The following FMN1 variants were observed in gnomAD, a reference collection of about 807,000 sequenced individuals.
FMN1 encodes formin-1.
FMN1 carries 110 observed loss-of-function variants against 132.4 expected under a neutral mutation model. The observed-to-expected ratio is 0.83, with a 90% CI of 0.71 to 0.97. The LOEUF (loss-of-function observed/expected upper bound fraction) is 0.97, where lower values mean the gene tolerates loss of function less well. Among genes scored for constraint, FMN1 ranks in the 50% least tolerant of loss-of-function variants. The pLI, the probability that FMN1 is intolerant of heterozygous loss-of-function variation, is 0.00. For synonymous variants in FMN1, 722 were observed against 651.7 expected, an observed-to-expected ratio of 1.11 and a Z score of -1.64; for missense variants, 1,792 against 1,705.3, an observed-to-expected ratio of 1.05 and a Z score of -0.90.
Position 32,969,214 on chromosome 15 carries a change from T to A in FMN1, c.2487A>T (p.Val829=). The part of the protein sequence containing the change: ...ESKTTRSNQL[V]PKKLNISSLS... ...AAGAGGAGATATTCAGCTTTTTGGG[T>A]ACTAATTGATTACTTCTGGTTGTCT... Residue 829 remains valine (V), a synonymous_variant, in exon 8 of 21, where the codon GTA becomes GTT. Coordinates refer to ENST00000616417, the MANE Select transcript of FMN1 (RefSeq NM_001277313.2). 6.2e-7 allele frequency: 1 copy of A among 1,613,862 alleles called. No individual in the cohort carries two copies. The highest frequency in any genetic ancestry group is 8.5e-7 in the Non-Finnish European group (1 of 1,179,864).
chr15:32,829,763 G>A (rs1320170850), intron 17 of FMN1, among the ~76,000 whole-genome samples: 1 of 152,196 alleles, frequency 6.6e-6, no homozygotes, highest in South Asian at 2.1e-4. Flanking sequence ...AGATTCGTGA[G>A]TGAGGAAAAT....
chr15:33,110,721 CTT>C (rs761506232), intron 4 of FMN1, among the ~76,000 whole-genome samples: 12 of 151,510 alleles, frequency 7.9e-5, no homozygotes, highest in Non-Finnish European at 1.2e-4. Flanking sequence ...GACTAACAGT[CTT>C]TTATTTAAAA....
At chr15:32,820,092 C>A (rs1294743011) in intron 17 of FMN1, among the ~76,000 whole-genome samples, 1 of 152,074 alleles carries the variant, frequency 6.6e-6, no homozygotes, top group Non-Finnish European at 1.5e-5. Flanking sequence ...GACTTCCAAC[C>A]AAAATCCATC....
At chr15:33,124,375 G>A (rs1172045360) in intron 4 of FMN1, among the ~76,000 whole-genome samples, 2 of 152,106 alleles carry the variant, frequency 1.3e-5, no homozygotes, top group African/African-American at 2.4e-5. Flanking sequence ...TCAATGAGTA[G>A]GACCCTCTGT....
intron 17 of FMN1, among the ~76,000 whole-genome samples, chr15:32,846,445 C>T (rs1475457388): frequency 1.3e-5 from 2 of 151,906 alleles, no homozygotes; most frequent in African/African-American, 2.4e-5. Context: ...ATTTATGCGG[C>T]CAACAAACAT....
intron 6 of FMN1, chr15:33,063,300 T>G (rs1262651573): frequency 6.6e-6 from 1 of 152,360 alleles, no homozygotes; most frequent in African/African-American, 2.4e-5. Flanking sequence ...GTGCCCTCAG[T>G]TCCCAGCCTG....
rs146037019 is a variant in FMN1, at chr15:32,965,090, A to G, written c.2988-833T>C. Among the ~76,000 whole-genome samples, 396 of 152,226 alleles carry G rather than the reference A, an allele frequency of 2.6e-3. 6 individuals carry two copies. Among genetic ancestry groups the G allele is most frequent in the Non-Finnish European group, 1.6e-3 (106 of 68,004 alleles). On this transcript the variant is annotated intron_variant, in intron 8 of 20. Transcript: ENST00000616417. ...TCCCAAATGTTTACTTTCTTATCTT[A>G]ATTTCAAACACTATTAATGTTTACT...
intron 6 of FMN1, among the ~76,000 whole-genome samples, chr15:33,020,611 C>T (rs1302027443): frequency 6.7e-6 from 1 of 148,606 alleles, no homozygotes; most frequent in Non-Finnish European, 1.5e-5. Flanking sequence ...GCACTCCAGC[C>T]TGGGAGACAA....
chr15:33,059,680 TTAA>T (rs559231088), intron 6 of FMN1, among the ~76,000 whole-genome samples: 5 of 152,218 alleles, frequency 3.3e-5, no homozygotes, highest in Admixed American at 2.6e-4. Context: ...CAACAGAGTA[TTAA>T]TAAGTTATGT....
intron 6 of FMN1, among the ~76,000 whole-genome samples, chr15:33,032,838 C>T (rs905338262): frequency 1.4e-4 from 21 of 151,430 alleles, no homozygotes; most frequent in Admixed American, 5.9e-4. Context: ...AGCAGTGGGA[C>T]CTGGGGGGGT....
intron 4 of FMN1, among the ~76,000 whole-genome samples, chr15:33,118,108 C>G (rs2039997554): frequency 1.3e-5 from 2 of 152,290 alleles, no homozygotes; most frequent in South Asian, 4.1e-4. Flanking sequence ...AATGTAAATA[C>G]ATGTGCATGT....
chr15:32,939,096 T>G (rs925335252), intron 9 of FMN1, among the ~76,000 whole-genome samples: 5 of 152,234 alleles, frequency 3.3e-5, no homozygotes, highest in Admixed American at 1.3e-4. Flanking sequence ...AGTTGTGCAC[T>G]GGGGGCAGTG....
chr15:33,127,181 G>A (rs1284636712), intron 4 of FMN1, among the ~76,000 whole-genome samples: 2 of 152,100 alleles, frequency 1.3e-5, no homozygotes, highest in Admixed American at 6.6e-5. Context: ...GAGGAGGTCA[G>A]GCCAGATCTG....
In FMN1 at chr15:32,888,174, T is replaced by A; in HGVS notation, c.3833A>T (p.Glu1278Val). ...AATAGCAGAACAGTTCCTATTACCT[T>A]CTAGTTGCCTCTTCAGTTTTCTCAA... ...KDLRKLKRQL[E>V]ASEKQMVVVC... Residue 1278 changes from glutamate (E) to valine (V), a missense_variant and splice_region_variant, in exon 16 of 21, where the codon GAA (glutamate) becomes GTA (valine). This residue lies in a region of FMN1 where 1,150 missense variants were observed against 1,043.1 expected (regional missense o/e 1.10). Transcript: ENST00000616417. 1 of 1,605,258 alleles carries A rather than the reference T, an allele frequency of 6.2e-7. No homozygotes were observed. Among genetic ancestry groups the A allele is most frequent in the Non-Finnish European group, 8.5e-7 (1 of 1,177,188 alleles).
chr15:33,189,406 T>G (rs1008209257), intron 2 of FMN1, among the ~76,000 whole-genome samples: 1 of 152,238 alleles, frequency 6.6e-6, no homozygotes, highest in Admixed American at 6.5e-5. Context: ...GAGCTAGGCT[T>G]AGAAAATTTT....
intron 9 of FMN1, among the ~76,000 whole-genome samples, chr15:32,942,504 A>C (rs1284872946): frequency 6.6e-6 from 1 of 152,236 alleles, no homozygotes; most frequent in Admixed American, 6.5e-5. Flanking sequence ...ATAGACCACA[A>C]GTGCTGGAAG....
In FMN1 at chr15:33,083,987, T is replaced by C. The variant is rs539587289; in HGVS notation, c.2043+4812A>G. ...TGACAGTTTGCAAATGCCATGGTCA[T>C]GTTGGGAAGTTTGCTTATATGGTCT... is the stretch of plus-strand genomic sequence containing the variant. On this transcript the variant is annotated intron_variant, in intron 5 of 20. Transcript: ENST00000616417. Among the ~76,000 whole-genome samples the C allele has an allele frequency of 5.3e-5, 8 of 152,258 alleles. No individual in the cohort carries two copies. The South Asian group carries it at 1.0e-3, about 20-fold the overall frequency.
chr15:32,916,393 G>A (rs1214419956), intron 10 of FMN1, among the ~76,000 whole-genome samples: 2 of 152,200 alleles, frequency 1.3e-5, no homozygotes, highest in East Asian at 3.9e-4. Flanking sequence ...TGAGTAAAAA[G>A]ACAGGCAGAG....
intron 17 of FMN1, among the ~76,000 whole-genome samples, chr15:32,813,202 A>G (rs7178265): frequency 0.2 from 29,701 of 152,156 alleles, 3,737 homozygotes; most frequent in Admixed American, 0.3. Flanking sequence ...TGTAGAGTTT[A>G]ATATCCATAA....
Sources: allele counts gnomAD v4.1 joint callset (sites outside exome capture counted in the v4.1 genomes callset), GRCh38; gene constraint gnomAD v4.1.1; regional missense constraint gnomAD v4.1.1; transcripts MANE v1.5; gene names NCBI Gene and HGNC (gene_info 2026-07-23, HGNC 2026-07-21).